SLC6A17: variants seen among roughly 807,000 people sequenced by gnomAD.
The protein encoded by SLC6A17 is sodium-dependent neutral amino acid transporter SLC6A17.
A neutral mutation model predicts 64.5 loss-of-function variants in SLC6A17; 21 were observed. The ratio of observed to expected loss-of-function variants is 0.33; its 90% CI spans 0.23 to 0.47. The LOEUF (loss-of-function observed/expected upper bound fraction) is 0.47. SLC6A17 is among the 20% of genes least tolerant of loss of function. SLC6A17 has a pLI of 1.00. For synonymous variants in SLC6A17, 372 were observed against 399.5 expected (o/e 0.93, Z 0.82); for missense variants, 682 against 963.2 (o/e 0.71, Z 3.86).
At chr1:110,197,937 TTGGCTGTGCC>T in intron 11 of SLC6A17, 129 bp from the exon 12 acceptor site, 1 of 1,424,576 alleles carries the variant, frequency 7.0e-7, no homozygotes, top group Non-Finnish European at 9.4e-7. Context: ...ACCCCCATCC[TTGGCTGTGCC>T]TGGCCAGGAT....
At chr1:110,174,254 A>G (rs898018583) in intron 4 of SLC6A17, among the ~76,000 whole-genome samples, 155 bp downstream of exon 4, 2 of 152,094 alleles carry the variant, frequency 1.3e-5, no homozygotes, top group Non-Finnish European at 2.9e-5. Flanking sequence ...CCCAGTGGGA[A>G]TGGTCTCTTT....
At chr1:110,171,272 T>C (rs1656216068) in intron 2 of SLC6A17, among the ~76,000 whole-genome samples, 1 of 152,198 alleles carries the variant, frequency 6.6e-6, no homozygotes, top group African/African-American at 2.4e-5. Flanking sequence ...ACTAGGTTGT[T>C]GGCACAGCTC....
At chr1:110,152,361 G>A (rs1655632450) in intron 1 of SLC6A17, among the ~76,000 whole-genome samples, 1 of 152,232 alleles carries the variant, frequency 6.6e-6, no homozygotes, top group African/African-American at 2.4e-5. Context: ...GGAGGCAAAT[G>A]GTGCCCACCA....
intron 1 of SLC6A17, among the ~76,000 whole-genome samples, chr1:110,153,532 T>TGTGTGTGTGTGTGTGTGTGC (rs1409765694): frequency 6.6e-6 from 1 of 151,570 alleles, no homozygotes; most frequent in Non-Finnish European, 1.5e-5. Flanking sequence ...TGTGTGTGTG[T>TGTGTGTGTGTGTGTGTGTGC]GTGTGTGTGT....
At position 110,192,418 on chromosome 1, in the gene SLC6A17, C is replaced by G; in HGVS notation, c.1107-88C>G. ...CCTCTGTCAGTGACCCATGAGGTTC[C>G]CACCTGGGTGCCTGGGAAGAGCCTC... On this transcript the variant is annotated intron_variant, in intron 7 of 11. Coordinates refer to ENST00000331565, the MANE Select transcript of SLC6A17 (RefSeq NM_001010898.4). This position sits in a 1 kb window ranked among gnomAD's most constrained non-coding sequence, Gnocchi z 4.3. The G allele has an allele frequency of 6.6e-7, 1 of 1,507,488 alleles. No homozygotes were observed. 93.4% of individuals were successfully genotyped at this position (1,507,488 alleles called of 1,614,324 possible).
intron 1 of SLC6A17, chr1:110,166,279 A>G (rs12753667): frequency 0.45 from 58,470 of 129,206 alleles, 12,157 homozygotes; most frequent in Non-Finnish European, 0.52. Context: ...TGATGGCTCA[A>G]GAGCCTTTTT....
chr1:110,198,543 G>T lies in SLC6A17; in HGVS notation c.*99G>T. 1 of 1,508,074 alleles carries T rather than the reference G, an allele frequency of 6.6e-7. No homozygotes were observed. Among genetic ancestry groups the T allele is most frequent in the Non-Finnish European group, 8.8e-7 (1 of 1,135,228 alleles). The allele number at this position is 1,508,074 out of a possible 1,614,324, so 93.4% of individuals were successfully genotyped here. Reference sequence around the variant, plus strand: ...GAGGTGGCCACCAGGCCCAGGCCAGGCCCTTTGCCCAAGAAGAGAGGGTCT... The same window carrying T: ...GAGGTGGCCACCAGGCCCAGGCCAGTCCCTTTGCCCAAGAAGAGAGGGTCT... On this transcript the variant is annotated 3_prime_UTR_variant, in exon 12 of 12. Coordinates refer to ENST00000331565, the MANE Select transcript of SLC6A17 (RefSeq NM_001010898.4).
Position 110,192,662 on chromosome 1 carries a change from C to T in SLC6A17, c.1263C>T (p.Gly421=). The T allele has an allele frequency of 6.2e-7, 1 of 1,613,912 alleles. No individual in the cohort carries two copies. Among genetic ancestry groups the T allele is most frequent in the South Asian group, 1.1e-5 (1 of 91,030 alleles). ...TVKEDQFSAL[G]LDPCLLEDEL... Reference sequence around the variant, plus strand: ...AGGAGGACCAGTTCTCAGCCCTGGGCCTTGACCCCTGCCTTCTGGAGGACG... The same window carrying T: ...AGGAGGACCAGTTCTCAGCCCTGGGTCTTGACCCCTGCCTTCTGGAGGACG... The change falls in exon 8 of 12, where the codon GGC becomes GGT. Residue 421 remains glycine, a synonymous_variant. Transcript: ENST00000331565. The surrounding 1 kb of genome is among the most constrained non-coding windows in gnomAD (Gnocchi z 4.3).
chr1:110,179,522 C>T (rs1656459859), intron 6 of SLC6A17, among the ~76,000 whole-genome samples: 1 of 86,536 alleles, frequency 1.2e-5, no homozygotes. Flanking sequence ...CCTTTCCCTT[C>T]CCCTTCCCCT....
intron 2 of SLC6A17, among the ~76,000 whole-genome samples, chr1:110,167,638 T>C (rs1299811886): frequency 6.6e-6 from 1 of 152,218 alleles, no homozygotes; most frequent in East Asian, 1.9e-4. Flanking sequence ...TACTAAATGC[T>C]TATGAGGTAC....
rs189456665 is a variant in SLC6A17 at position 110,198,146 on chromosome 1, C to T, written c.1886C>T (p.Thr629Met). The T allele has an allele frequency of 1.7e-5, 27 of 1,614,034 alleles. No homozygotes were observed. The highest frequency in any genetic ancestry group is 8.3e-5 in the Admixed American group (5 of 60,004). ...CTGATCACCCTCATCGTCGTGGCGA[C>T]GCTGCCCATCCCTGTGGTGTTCGTC... ...ALLITLIVVA[T>M]LPIPVVFVLR... Residue 629 changes from threonine (T) to methionine (M), a missense_variant, in exon 12 of 12, where the codon ACG becomes ATG. Thr to Met is a moderately conservative substitution (Grantham distance 81, BLOSUM62 -1). Transcript: ENST00000331565.
intron 3 of SLC6A17, 106 bp downstream of exon 3, chr1:110,172,323 A>G: frequency 7.4e-7 from 1 of 1,348,078 alleles, no homozygotes; most frequent in Non-Finnish European, 9.9e-7. Context: ...CGTCAGGACA[A>G]GGGCAGGGAG....
chr1:110,152,099 G>A (rs1333515879), intron 1 of SLC6A17, among the ~76,000 whole-genome samples: 1 of 152,194 alleles, frequency 6.6e-6, no homozygotes, highest in Non-Finnish European at 1.5e-5. Context: ...GTGTGTTGAG[G>A]TTAACAGTGG....
chr1:110,178,588 G>T, intron 6 of SLC6A17: 2 of 153,090 alleles, frequency 1.3e-5, no homozygotes, highest in South Asian at 3.7e-4. Context: ...AAATTCCTTA[G>T]ACTGGATAAT....
rs1477439821 is a variant in SLC6A17 at position 110,172,097 on chromosome 1, C to T, written c.324C>T (p.Ile108=). ...TGCCCTACCTGGTGCTGCTGATCAT[C>T]ATCGGGATCCCCCTCTTCTTCCTGG... is the stretch of plus-strand genomic sequence containing the variant. The part of the protein sequence containing the change: ...YLVPYLVLLI[I]IGIPLFFLEL... The change falls in exon 3 of 12, where the codon ATC becomes ATT. Residue 108 remains isoleucine, a synonymous_variant. Transcript: ENST00000331565. 1 of 1,614,170 alleles carries T rather than the reference C, an allele frequency of 6.2e-7. No homozygotes were observed. The highest frequency in any genetic ancestry group is 2.2e-5 in the East Asian group (1 of 44,882).
At chr1:110,151,180 G>A (rs972054523) in intron 1 of SLC6A17, among the ~76,000 whole-genome samples, 10 of 152,244 alleles carry the variant, frequency 6.6e-5, no homozygotes, top group African/African-American at 2.4e-4. Context: ...AACTCCGGAG[G>A]AAATTGGGCT....
At chr1:110,197,743 A>G in intron 11 of SLC6A17, 144 bp downstream of exon 11, 1 of 999,458 alleles carries the variant, frequency 1.0e-6, no homozygotes, top group Admixed American at 3.1e-5. Flanking sequence ...CAATCTTACA[A>G]CAAGCCAAAG....
rs757721852 is a variant in SLC6A17 at position 110,167,235 on chromosome 1, G to A, written c.286+20G>A. On this transcript the variant is annotated intron_variant, in intron 2 of 11. Coordinates refer to ENST00000331565, the MANE Select transcript of SLC6A17 (RefSeq NM_001010898.4). ...GAGGAGGTAAGAGACAGCTCTGCCT[G>A]CATCAGGGGTCCCCTGCAAATAGGC... The A allele has an allele frequency of 5.6e-6, 9 of 1,596,330 alleles. No homozygotes were observed. Among genetic ancestry groups the A allele is most frequent in the African/African-American group, 1.3e-5 (1 of 74,356 alleles).
At chr1:110,154,707 G>A (rs1022534340) in intron 1 of SLC6A17, among the ~76,000 whole-genome samples, 3 of 152,026 alleles carry the variant, frequency 2.0e-5, no homozygotes, top group East Asian at 1.9e-4. Context: ...AGTCAGAGCC[G>A]GTGGATGTTG....
Sources: allele counts gnomAD v4.1 joint callset (sites outside exome capture counted in the v4.1 genomes callset), GRCh38; gene constraint gnomAD v4.1.1; non-coding constraint Gnocchi (gnomAD v3.1); transcripts MANE v1.5; gene names NCBI Gene and HGNC (gene_info 2026-07-23, HGNC 2026-07-21).